Variants in SSH2 observed in about 807,000 individuals in gnomAD.
The protein encoded by SSH2 is protein phosphatase Slingshot homolog 2.
Under a neutral mutation model 135.2 loss-of-function variants are expected in SSH2, and 37 were observed. That is an observed-to-expected ratio of 0.27 (90% CI 0.21 to 0.36). SSH2 has a LOEUF of 0.36. Ranked by LOEUF, SSH2 falls within the 10% of genes least tolerant of loss-of-function variation. The pLI is 1.00. For synonymous variants in SSH2, 628 were observed against 646.2 expected, an observed-to-expected ratio of 0.97 and a Z score of 0.43; for missense variants, 1,408 against 1,765.3, an observed-to-expected ratio of 0.80 and a Z score of 3.63.
At chr17:29,771,155 A>G (rs1485622780) in intron 3 of SSH2, among the ~76,000 whole-genome samples, 1 of 152,218 alleles carries the variant, frequency 6.6e-6, no homozygotes, top group Admixed American at 6.5e-5. Flanking sequence ...AATTTATAAT[A>G]TGTATTACGT....
At chr17:29,830,441 G>T (rs543152875) in intron 2 of SSH2, among the ~76,000 whole-genome samples, 2 of 152,266 alleles carry the variant, frequency 1.3e-5, no homozygotes, top group African/African-American at 4.8e-5. Context: ...AGCCAGGTTA[G>T]GTCCCTGATT....
At chr17:29,678,576 T>G (rs911027773) in intron 6 of SSH2, among the ~76,000 whole-genome samples, 3 of 152,092 alleles carry the variant, frequency 2.0e-5, no homozygotes, top group Non-Finnish European at 4.4e-5. Context: ...ATAGGCAAAA[T>G]AGACATAACA....
intron 14 of SSH2, among the ~76,000 whole-genome samples, chr17:29,642,610 T>C (rs1299574293): frequency 6.6e-6 from 1 of 150,970 alleles, no homozygotes; most frequent in Non-Finnish European, 1.5e-5. Flanking sequence ...CCCCCATCTA[T>C]AAAAACAGAA....
At chr17:29,821,804 C>T (rs555166808) in intron 2 of SSH2, among the ~76,000 whole-genome samples, 13 of 152,260 alleles carry the variant, frequency 8.5e-5, no homozygotes, top group South Asian at 2.1e-4. Flanking sequence ...CCATCACGCC[C>T]AGCTAATCTT....
intron 2 of SSH2, among the ~76,000 whole-genome samples, chr17:29,808,490 A>C (rs2467334): frequency 0.44 from 67,430 of 152,066 alleles, 15,316 homozygotes; most frequent in Non-Finnish European, 0.49. Flanking sequence ...AGTCTGGCTC[A>C]GCTGACAGCC....
chr17:29,750,523 T>C (rs2040900489), intron 3 of SSH2, among the ~76,000 whole-genome samples: 1 of 151,824 alleles, frequency 6.6e-6, no homozygotes. Flanking sequence ...TTTCTTTATA[T>C]GCTCCTCCTC....
chr17:29,928,881 C>T (rs185989212), intron 1 of SSH2, among the ~76,000 whole-genome samples: 2 of 152,084 alleles, frequency 1.3e-5, no homozygotes, highest in Non-Finnish European at 2.9e-5. Context: ...ACTACCAAAT[C>T]CACCAACACC....
At position 29,637,791 on chromosome 17, in the gene SSH2, T is replaced by A. The variant is rs572149176; in HGVS notation, c.1428-989A>T. ...GTGATCCCTTGTCTCAAAAAAAAAA[T>A]AAAAAATAAAAATAAAGAAAGATAT... is the stretch of plus-strand genomic sequence containing the variant. On this transcript the variant is annotated intron_variant, in intron 14 of 15. Transcript: ENST00000540801. Among the ~76,000 whole-genome samples the A allele has an allele frequency of 6.9e-3, 992 of 144,808 alleles. 8 individuals carry two copies. Among genetic ancestry groups the A allele is most frequent in the African/African-American group, 0.021 (820 of 39,008 alleles). 95.0% of individuals were successfully genotyped at this position (144,808 alleles called of 152,430 possible).
intron 3 of SSH2, among the ~76,000 whole-genome samples, chr17:29,735,316 G>C (rs1322160276): frequency 6.6e-6 from 1 of 152,050 alleles, no homozygotes. Flanking sequence ...AGTGATTTTT[G>C]CTTGGCTTTA....
At position 29,738,498 on chromosome 17, in the gene SSH2, G is replaced by A. The variant is rs1458151618; in HGVS notation, c.189-35436C>T. Among the ~76,000 whole-genome samples, 4 of 152,060 alleles carry A rather than the reference G, an allele frequency of 2.6e-5. No individual in the cohort carries two copies. The East Asian group carries it at 5.8e-4, about 22-fold the overall frequency. On this transcript the variant is annotated intron_variant, in intron 3 of 15. Transcript: ENST00000540801. ...TCTAGTTCTAGATCCTTGAGACCTT[G>A]AGAAAGTCTCCTAACTTCTCTGAGG...
chr17:29,851,550 G>T (rs1026797750), intron 1 of SSH2, among the ~76,000 whole-genome samples: 3 of 151,878 alleles, frequency 2.0e-5, no homozygotes, highest in Non-Finnish European at 2.9e-5. Context: ...CAAGATCATG[G>T]CCATAGCACT....
intron 3 of SSH2, among the ~76,000 whole-genome samples, chr17:29,766,095 TATC>T (rs55885465): frequency 0.44 from 65,964 of 149,808 alleles, 14,915 homozygotes; most frequent in Non-Finnish European, 0.48. Context: ...TTATTATTAT[TATC>T]ATCATCATCA....
intron 8 of SSH2, chr17:29,675,833 G>C (rs2037690678): frequency 6.6e-6 from 1 of 151,880 alleles, no homozygotes; most frequent in African/African-American, 2.4e-5. Flanking sequence ...ATATGAGAGA[G>C]AGAGAGAGAT....
Position 29,627,560 on chromosome 17 carries a change from A to T in SSH2, c.*3281T>A, listed in dbSNP as rs1567818090. 1 of 152,582 alleles carries T rather than the reference A, an allele frequency of 6.6e-6. No individual in the cohort carries two copies. Among genetic ancestry groups the T allele is most frequent in the Non-Finnish European group, 1.5e-5 (1 of 68,054 alleles). The allele number at this position is 152,582 out of a possible 1,614,324, so 9.5% of individuals were successfully genotyped here. On this transcript the variant is annotated 3_prime_UTR_variant, in exon 16 of 16. Transcript: ENST00000540801. ...TCAGTAGGGATAAAGACACAGAACA[A>T]GGAAATCCATAACCCTGTCTCAAGC...
chr17:29,736,593 C>T (rs2040372463), intron 3 of SSH2, among the ~76,000 whole-genome samples: 1 of 151,684 alleles, frequency 6.6e-6, no homozygotes, highest in Admixed American at 6.6e-5. Flanking sequence ...CGAGACCATC[C>T]TGGCTAACAT....
At chr17:29,903,393 A>G (rs2151462730) in intron 1 of SSH2, among the ~76,000 whole-genome samples, 1 of 151,566 alleles carries the variant, frequency 6.6e-6, no homozygotes, top group East Asian at 1.9e-4. Flanking sequence ...GTTCTATGAT[A>G]TACCACAACT....
At chr17:29,641,050 T>C (rs1227070092) in intron 14 of SSH2, among the ~76,000 whole-genome samples, 4 of 152,176 alleles carry the variant, frequency 2.6e-5, no homozygotes, top group African/African-American at 4.8e-5. Context: ...GTTGGAATTA[T>C]AGGCATGCGC....
rs533700883 is a variant in SSH2, at chr17:29,690,242, A to G, written c.357+5217T>C. On this transcript the variant is annotated intron_variant, in intron 5 of 15. Coordinates refer to ENST00000540801, the MANE Select transcript of SSH2 (RefSeq NM_001282129.2). ...AATATGGAGAAACCCGGTCTCTCCT[A>G]AAAATACAAAAAATTAGCCAGGCGT... 5.3e-5 allele frequency among the ~76,000 whole-genome samples: 8 copies of G among 151,700 alleles called. No homozygotes were observed. The East Asian group carries it at 1.4e-3, about 26-fold the overall frequency.
At chr17:29,745,705 T>C (rs2040737735) in intron 3 of SSH2, among the ~76,000 whole-genome samples, 1 of 152,216 alleles carries the variant, frequency 6.6e-6, no homozygotes, top group South Asian at 2.1e-4. Flanking sequence ...CATGCTAGTG[T>C]GCCACTCTAA....
Sources: gnomAD v4.1 joint callset for allele counts (sites outside exome capture counted in the v4.1 genomes callset) on GRCh38, gnomAD v4.1.1 for gene constraint, MANE v1.5 for transcripts, NCBI Gene and HGNC (gene_info 2026-07-23, HGNC 2026-07-21) for gene names.